Variants in MAD1L1 observed in about 807,000 individuals in gnomAD.
MAD1L1 encodes the protein mitotic arrest deficient 1 like 1.
MAD1L1 carries 95 observed loss-of-function variants against 96.9 expected under a neutral mutation model. The observed-to-expected ratio is 0.98, with a 90% CI of 0.83 to 1.16. The LOEUF (loss-of-function observed/expected upper bound fraction) is 1.16, where lower values mean the gene tolerates loss of function less well. MAD1L1 is among the 50% of genes most tolerant of loss of function. The pLI is 0.00. For missense variants in MAD1L1, 1,007 were observed against 954.4 expected (o/e 1.06, Z -0.73); for synonymous variants, 473 against 396.6 (o/e 1.19, Z -2.29).
chr7:2,059,369 G>C (rs1784531617), intron 12 of MAD1L1, among the ~76,000 whole-genome samples: 1 of 150,528 alleles, frequency 6.6e-6, no homozygotes, highest in African/African-American at 2.5e-5. Flanking sequence ...TGGAGAGGGA[G>C]TGTGGCCAGA....
intron 18 of MAD1L1, among the ~76,000 whole-genome samples, chr7:1,866,950 G>A (rs576245378): frequency 2.0e-5 from 3 of 152,338 alleles, no homozygotes; most frequent in Admixed American, 2.0e-4. Context: ...CCTGCAGTAG[G>A]GATGGGGAGG....
chr7:2,000,607 C>G (rs928996383), intron 14 of MAD1L1, among the ~76,000 whole-genome samples: 2 of 152,174 alleles, frequency 1.3e-5, no homozygotes, highest in African/African-American at 4.8e-5. Context: ...CGGGAGAATG[C>G]GGCTCCTCCA....
chr7:1,860,433 C>A (rs1011554461), intron 18 of MAD1L1, among the ~76,000 whole-genome samples: 22 of 151,694 alleles, frequency 1.5e-4, no homozygotes, highest in Non-Finnish European at 2.8e-4. Context: ...GTGGTGGCCC[C>A]TGTCTCCCTA....
intron 17 of MAD1L1, among the ~76,000 whole-genome samples, chr7:1,898,597 T>C (rs1452718435): frequency 6.6e-6 from 1 of 152,066 alleles, no homozygotes; most frequent in Admixed American, 6.5e-5. Flanking sequence ...CGGCTGACCC[T>C]CTGGTGGTGG....
rs185540747 is a variant in MAD1L1, at chr7:2,213,849, G to A, written c.925-576C>T. 7.2e-4 allele frequency among the ~76,000 whole-genome samples: 109 copies of A among 152,306 alleles called. 3 individuals are homozygous for A. In the South Asian group the frequency reaches 0.017, roughly 24 times the overall value. ...TCACATGCCTGTCCCATGCTGAGCC[G>A]CATCCCAAAGAGGTGAGTCTCACGG... On this transcript the variant is annotated intron_variant, in intron 9 of 18. Coordinates refer to ENST00000265854, the MANE Select transcript of MAD1L1 (RefSeq NM_001013836.2).
At chr7:1,946,757 T>A (rs943446678) in intron 16 of MAD1L1, among the ~76,000 whole-genome samples, 1 of 152,242 alleles carries the variant, frequency 6.6e-6, no homozygotes, top group African/African-American at 2.4e-5. Flanking sequence ...CCTAGGGTTC[T>A]GGAGATGACA....
intron 10 of MAD1L1, among the ~76,000 whole-genome samples, chr7:2,155,180 G>C (rs1789766860): frequency 6.6e-6 from 1 of 152,034 alleles, no homozygotes; most frequent in Admixed American, 6.5e-5. Flanking sequence ...CGAGCAAAGG[G>C]GGGTCCTCAG....
intron 18 of MAD1L1, among the ~76,000 whole-genome samples, chr7:1,864,772 T>G (rs1345814920): frequency 6.6e-6 from 1 of 152,138 alleles, no homozygotes; most frequent in Non-Finnish European, 1.5e-5. Context: ...GTTCCCACTG[T>G]TGGGAGAGCC....
intron 18 of MAD1L1, among the ~76,000 whole-genome samples, chr7:1,843,117 A>G (rs1454609453): frequency 6.6e-6 from 1 of 152,166 alleles, no homozygotes; most frequent in East Asian, 1.9e-4. Flanking sequence ...AAGACCACAC[A>G]TGAGGCCCCG....
At chr7:1,882,389 G>C (rs1011108479) in intron 18 of MAD1L1, among the ~76,000 whole-genome samples, 1 of 152,218 alleles carries the variant, frequency 6.6e-6, no homozygotes, top group Non-Finnish European at 1.5e-5. Context: ...TTCAAATTAA[G>C]CTGTCTGTGT....
At chr7:1,901,041 G>A (rs1005489082) in intron 17 of MAD1L1, among the ~76,000 whole-genome samples, 10 of 152,164 alleles carry the variant, frequency 6.6e-5, no homozygotes, top group Non-Finnish European at 1.3e-4. Flanking sequence ...GGCCCTGGAG[G>A]GGAAGGGTCC....
chr7:2,194,410 C>T (rs1052850767), intron 10 of MAD1L1, among the ~76,000 whole-genome samples: 32 of 152,334 alleles, frequency 2.1e-4, no homozygotes, highest in South Asian at 4.1e-4. Context: ...CATTCATTTA[C>T]GCACTGTCTA....
At chr7:2,081,324 G>A (rs1030460960) in intron 11 of MAD1L1, among the ~76,000 whole-genome samples, 2 of 152,306 alleles carry the variant, frequency 1.3e-5, no homozygotes, top group South Asian at 2.1e-4. Context: ...AGGTTCTAGC[G>A]AAAGTCCATC....
intron 18 of MAD1L1, among the ~76,000 whole-genome samples, chr7:1,834,061 A>AAC (rs753555429): frequency 1.3e-5 from 2 of 152,254 alleles, no homozygotes; most frequent in African/African-American, 4.8e-5. Flanking sequence ...TGTGGAAACT[A>AAC]ACACACTTCT....
chr7:2,000,383 G>C (rs1055544313), intron 14 of MAD1L1, among the ~76,000 whole-genome samples: 1 of 152,066 alleles, frequency 6.6e-6, no homozygotes, highest in Non-Finnish European at 1.5e-5. Flanking sequence ...CTTTACGAAT[G>C]GACACCAGGT....
At chr7:1,902,058 G>A (rs1178480225) in intron 17 of MAD1L1, among the ~76,000 whole-genome samples, 1 of 152,198 alleles carries the variant, frequency 6.6e-6, no homozygotes, top group Non-Finnish European at 1.5e-5. Flanking sequence ...GGGAGTCAGA[G>A]AGGATGCAGC....
At position 1,825,952 on chromosome 7, in the gene MAD1L1, G is replaced by A. The variant is rs1316713108; in HGVS notation, c.1999-9724C>T. Among the ~76,000 whole-genome samples, 12 of 151,862 alleles carry A rather than the reference G, an allele frequency of 7.9e-5. No individual in the cohort carries two copies. In the East Asian group the frequency reaches 2.1e-3, roughly 27 times the overall value. On this transcript the variant is annotated intron_variant, in intron 18 of 18. Coordinates refer to ENST00000265854, the MANE Select transcript of MAD1L1 (RefSeq NM_001013836.2). ...CCCAGGCGGGGTTGGAGGCCAGCAC[G>A]GTCCCAGCCCCAGGGTTGGAGGTCG...
intron 18 of MAD1L1, chr7:1,844,263 T>C (rs1387892240): frequency 1.9e-5 from 3 of 154,208 alleles, no homozygotes; most frequent in Admixed American, 6.5e-5. Flanking sequence ...GGGAGAAGTG[T>C]GGTGGTCCCA....
intron 11 of MAD1L1, among the ~76,000 whole-genome samples, chr7:2,140,925 T>C (rs1477080011): frequency 6.6e-6 from 1 of 152,272 alleles, no homozygotes; most frequent in East Asian, 1.9e-4. Flanking sequence ...TAAAAACTTA[T>C]TTAAAAAGCC....
Sources: gnomAD v4.1 joint callset for allele counts (sites outside exome capture counted in the v4.1 genomes callset) on GRCh38, gnomAD v4.1.1 for gene constraint, MANE v1.5 for transcripts, NCBI Gene and HGNC (gene_info 2026-07-23, HGNC 2026-07-21) for gene names.